Variants in ZNF578 observed in about 807,000 individuals in gnomAD.
ZNF578 encodes the protein Putative chemokine-related protein B42.
Under a neutral mutation model 8.3 loss-of-function variants are expected in ZNF578, and 8 were observed. That is an observed-to-expected ratio of 0.96 (90% confidence interval 0.56 to 1.74). The LOEUF (loss-of-function observed/expected upper bound fraction) is 1.74. ZNF578 is among the 40% of genes most tolerant of loss of function. The pLI is 0.00. For missense variants in ZNF578, 726 were observed against 707.5 expected (o/e 1.03, Z -0.30); for synonymous variants, 206 against 232.2 (o/e 0.89, Z 1.03).
At chr19:52,475,837 C>A (rs536254869) in intron 2 of ZNF578, among the ~76,000 whole-genome samples, 81 of 152,214 alleles carry the variant, frequency 5.3e-4, no homozygotes, top group African/African-American at 1.9e-3. Flanking sequence ...TTAGTTAAAG[C>A]CTGCTTTGTT....
chr19:52,490,095 A>G (rs550407352), intron 2 of ZNF578, among the ~76,000 whole-genome samples: 8 of 152,298 alleles, frequency 5.3e-5, no homozygotes, highest in Middle Eastern at 3.4e-3. Flanking sequence ...TTATTGTGCA[A>G]TTTGTTTTAT....
intron 4 of ZNF578, among the ~76,000 whole-genome samples, chr19:52,504,199 T>C (rs1406335040): frequency 6.6e-6 from 1 of 152,040 alleles, no homozygotes; most frequent in Non-Finnish European, 1.5e-5. Context: ...CAAGTGATTC[T>C]CCTGCCTCAG....
chr19:52,477,180 T>G (rs187206250), intron 2 of ZNF578, among the ~76,000 whole-genome samples: 1 of 152,206 alleles, frequency 6.6e-6, no homozygotes, highest in Admixed American at 6.5e-5. Context: ...TAAAGGTCTC[T>G]AAATGCCAGG....
intron 2 of ZNF578, among the ~76,000 whole-genome samples, chr19:52,461,435 A>G (rs911246669): frequency 2.6e-5 from 4 of 152,188 alleles, no homozygotes; most frequent in East Asian, 1.9e-4. Flanking sequence ...AATTATTTAC[A>G]TATTCTGCAG....
chr19:52,490,935 A>G (rs1257352574), intron 2 of ZNF578, among the ~76,000 whole-genome samples: 1 of 152,186 alleles, frequency 6.6e-6, no homozygotes, highest in African/African-American at 2.4e-5. Flanking sequence ...ATGGTCTTTT[A>G]GCATTTATTT....
chr19:52,459,667 A>G (rs1200915662), intron 2 of ZNF578, among the ~76,000 whole-genome samples: 1 of 134,514 alleles, frequency 7.4e-6, no homozygotes, highest in Non-Finnish European at 1.5e-5. Flanking sequence ...ATACTACCAT[A>G]TGATCCAGCA....
chr19:52,485,452 C>G (rs959761374), intron 2 of ZNF578, among the ~76,000 whole-genome samples: 1 of 152,136 alleles, frequency 6.6e-6, no homozygotes, highest in Non-Finnish European at 1.5e-5. Context: ...GTCATCTGTG[C>G]GCAGCATTGA....
At chr19:52,505,025 T>A (rs1215025626) in intron 5 of ZNF578, among the ~76,000 whole-genome samples, 3 of 152,124 alleles carry the variant, frequency 2.0e-5, no homozygotes, top group Non-Finnish European at 4.4e-5. Flanking sequence ...GGGGCTGGGA[T>A]TATAGGCATG....
chr19:52,508,652 G>A (rs1202009432), intron 5 of ZNF578, among the ~76,000 whole-genome samples: 2 of 151,562 alleles, frequency 1.3e-5, no homozygotes, highest in African/African-American at 4.8e-5. Flanking sequence ...CAAAATTATC[G>A]AGTGTGGTGG....
At position 52,512,236 on chromosome 19, in the gene ZNF578, G is replaced by C. The variant is rs1228265411; in HGVS notation, c.*82G>C. ...ACAGATCACGCCTTAAAAGACATAG[G>C]AGAATTCATACTGGAGAGAAACCTT... On this transcript the variant is annotated 3_prime_UTR_variant, in exon 6 of 6. Transcript: ENST00000421239. 3 of 1,523,112 alleles carry C rather than the reference G, an allele frequency of 2.0e-6. No individual in the cohort carries two copies. The highest frequency in any genetic ancestry group is 1.6e-5 in the African/African-American group (1 of 62,436). The allele number at this position is 1,523,112 out of a possible 1,614,324, so 94.3% of individuals were successfully genotyped here.
chr19:52,456,679 CT>C, intron 1 of ZNF578, 188 bp from the exon 2 acceptor site: 1 of 153,410 alleles, frequency 6.5e-6, no homozygotes, highest in East Asian at 1.9e-4. Context: ...TCCTGTAGGA[CT>C]TTCTTGTCTG....
intron 3 of ZNF578, among the ~76,000 whole-genome samples, chr19:52,501,036 GC>G (rs1166154469): frequency 1.3e-5 from 2 of 151,994 alleles, no homozygotes; most frequent in Non-Finnish European, 2.9e-5. Context: ...CCGCTACCAT[GC>G]CCAGCTAATT....
chr19:52,478,062 C>T (rs1042309407), intron 2 of ZNF578, among the ~76,000 whole-genome samples: 4 of 152,196 alleles, frequency 2.6e-5, no homozygotes, highest in African/African-American at 9.7e-5. Flanking sequence ...ACAGCATATC[C>T]TCTGTAGTGT....
intron 2 of ZNF578, among the ~76,000 whole-genome samples, chr19:52,469,424 T>A (rs1386998458): frequency 6.6e-6 from 1 of 152,102 alleles, no homozygotes; most frequent in Admixed American, 6.5e-5. Context: ...CCTCCCAAAG[T>A]ACTGGGAATA....
chr19:52,466,917 T>G (rs942095759), intron 2 of ZNF578, among the ~76,000 whole-genome samples: 2 of 152,226 alleles, frequency 1.3e-5, no homozygotes, highest in South Asian at 4.1e-4. Context: ...ACATAATGTG[T>G]GCATATATAA....
intron 2 of ZNF578, among the ~76,000 whole-genome samples, chr19:52,463,190 A>G (rs1021087239): frequency 2.0e-4 from 31 of 152,228 alleles, no homozygotes; most frequent in African/African-American, 7.2e-4. Context: ...CCACTACAGT[A>G]GCCTGTCCAT....
intron 5 of ZNF578, among the ~76,000 whole-genome samples, chr19:52,505,445 G>T (rs2122961859): frequency 6.6e-6 from 1 of 152,024 alleles, no homozygotes; most frequent in African/African-American, 2.4e-5. Context: ...TTGTTTTTGA[G>T]ACAGTCTCGC....
At position 52,511,442 on chromosome 19, in the gene ZNF578, A is replaced by G. The variant is rs752003549; in HGVS notation, c.1061A>G (p.Tyr354Cys). The G allele has an allele frequency of 1.9e-6, 3 of 1,614,062 alleles. No individual in the cohort carries two copies. Among genetic ancestry groups the G allele is most frequent in the Admixed American group, 1.7e-5 (1 of 60,010 alleles). ...AATGAATGTGGAAAGTCCTTCAGTT[A>G]CAAGTCATCCCTTAGATGCCATCGT... ...KCNECGKSFS[Y>C]KSSLRCHRRL... is the part of the protein sequence containing the mutation. Residue 354 changes from tyrosine (Y) to cysteine (C), a missense_variant, in exon 6 of 6, where the codon TAC becomes TGC. Transcript: ENST00000421239.
chr19:52,508,893 A>ATTTTTTT (rs869062581), intron 5 of ZNF578, among the ~76,000 whole-genome samples: 1 of 82,044 alleles, frequency 1.2e-5, no homozygotes, highest in Non-Finnish European at 2.2e-5. Flanking sequence ...CTATTAGTCA[A>ATTTTTTT]TTTTTTTTTT....
Sources: gnomAD v4.1 joint callset for allele counts (sites outside exome capture counted in the v4.1 genomes callset) on GRCh38, gnomAD v4.1.1 for gene constraint, MANE v1.5 for transcripts, NCBI Gene and HGNC (gene_info 2026-07-23, HGNC 2026-07-21) for gene names.